PATJ: variants seen among roughly 807,000 people sequenced by gnomAD.
PATJ encodes PATJ crumbs cell polarity complex component.
In PATJ, 190 loss-of-function variants were observed where a neutral mutation model predicts 224.9. That is an observed-to-expected ratio of 0.84 (90% CI 0.75 to 0.95). PATJ has a LOEUF of 0.95. PATJ is among the 40% of genes least tolerant of loss of function. The pLI, the probability that PATJ is intolerant of heterozygous loss-of-function variation, is 0.00. For missense variants in PATJ, 2,121 were observed against 2,270.3 expected (o/e 0.93, Z 1.34); for synonymous variants, 769 against 820.3 (o/e 0.94, Z 1.07).
intron 21 of PATJ, among the ~76,000 whole-genome samples, chr1:61,876,234 C>T (rs1355135951): frequency 2.0e-5 from 3 of 151,818 alleles, no homozygotes; most frequent in Admixed American, 1.3e-4. Flanking sequence ...ATACAGTTTC[C>T]TGTGGGTCAA....
chr1:61,874,648 TA>T (rs1667114680), intron 20 of PATJ, among the ~76,000 whole-genome samples: 3 of 152,222 alleles, frequency 2.0e-5, no homozygotes, highest in Admixed American at 6.5e-5. Flanking sequence ...AGGGGAAACA[TA>T]AATATTTTAG....
chr1:61,890,725 G>A (rs12733910), intron 22 of PATJ, among the ~76,000 whole-genome samples: 80,675 of 151,810 alleles, frequency 0.53, 22,161 homozygotes, highest in Admixed American at 0.62. Flanking sequence ...TAAACTCCTG[G>A]CCTCAAGCAA....
intron 12 of PATJ, 148 bp from the exon 13 acceptor site, chr1:61,805,300 A>G (rs1309355186): frequency 1.7e-6 from 1 of 576,386 alleles, no homozygotes; most frequent in African/African-American, 1.9e-5. Context: ...TTTACCTAGC[A>G]GACCTAAGTT....
chr1:61,976,319 A>G (rs921153865), intron 27 of PATJ, among the ~76,000 whole-genome samples: 2 of 152,068 alleles, frequency 1.3e-5, no homozygotes, highest in African/African-American at 4.8e-5. Context: ...AGTTTAGGCA[A>G]GTTCCATAAC....
chr1:61,906,176 C>T (rs1671829650), intron 24 of PATJ, among the ~76,000 whole-genome samples: 1 of 152,158 alleles, frequency 6.6e-6, no homozygotes. Flanking sequence ...TGAAGAGATG[C>T]ATAGGGCAAA....
chr1:62,109,603 G>A (rs1003506747), intron 34 of PATJ, among the ~76,000 whole-genome samples: 1 of 152,172 alleles, frequency 6.6e-6, no homozygotes, highest in African/African-American at 2.4e-5. Flanking sequence ...ATACAACATG[G>A]TTTTTTAGCA....
intron 27 of PATJ, among the ~76,000 whole-genome samples, chr1:61,957,528 G>T (rs1304633908): frequency 6.6e-6 from 1 of 152,084 alleles, no homozygotes; most frequent in Non-Finnish European, 1.5e-5. Context: ...AGTGGTTTCT[G>T]AACTAATCTA....
At chr1:61,861,310 G>C (rs577915142) in intron 18 of PATJ, among the ~76,000 whole-genome samples, 16 of 38,020 alleles carry the variant, frequency 4.2e-4, no homozygotes, top group South Asian at 1.7e-3. Context: ...TTTTTTTTAC[G>C]TGAATGAATC....
chr1:61,914,311 C>T (rs1057207451), intron 25 of PATJ, among the ~76,000 whole-genome samples: 1 of 152,084 alleles, frequency 6.6e-6, no homozygotes. Context: ...CAAAAATTAG[C>T]TGGGTGTGGT....
intron 33 of PATJ, among the ~76,000 whole-genome samples, chr1:62,087,335 C>T (rs1350969937): frequency 6.6e-6 from 1 of 151,996 alleles, no homozygotes; most frequent in East Asian, 1.9e-4. Context: ...CAAGCTGCTT[C>T]TCTCCTCTAC....
intron 14 of PATJ, among the ~76,000 whole-genome samples, chr1:61,818,507 G>A (rs890076538): frequency 2.6e-5 from 4 of 152,198 alleles, no homozygotes; most frequent in Non-Finnish European, 5.9e-5. Flanking sequence ...GTTGCTAAAT[G>A]CAGCTGGGAC....
chr1:62,019,461 G>A (rs1011579362), intron 29 of PATJ, among the ~76,000 whole-genome samples: 1 of 151,962 alleles, frequency 6.6e-6, no homozygotes, highest in African/African-American at 2.4e-5. Context: ...AGAGGTTGCA[G>A]TGAGCCGAGA....
chr1:61,975,134 A>G (rs1028789868), intron 27 of PATJ, among the ~76,000 whole-genome samples: 8 of 151,806 alleles, frequency 5.3e-5, no homozygotes, highest in Admixed American at 1.3e-4. Context: ...TTTTGTAAAG[A>G]TGGGGGTCTC....
At chr1:61,749,854 T>C (rs535652072) in intron 1 of PATJ, among the ~76,000 whole-genome samples, 1 of 152,030 alleles carries the variant, frequency 6.6e-6, no homozygotes, top group Non-Finnish European at 1.5e-5. Flanking sequence ...AATTTTTAAA[T>C]TTTTTTGTCA....
At chr1:62,069,890 A>AC (rs1657096710) in intron 31 of PATJ, among the ~76,000 whole-genome samples, 1 of 129,488 alleles carries the variant, frequency 7.7e-6, no homozygotes, top group Admixed American at 7.5e-5. Context: ...TGCATTCTTA[A>AC]TAAAAAAATG....
chr1:61,998,504 G>C (rs1179636589), intron 28 of PATJ, among the ~76,000 whole-genome samples: 3 of 152,172 alleles, frequency 2.0e-5, no homozygotes, highest in Non-Finnish European at 4.4e-5. Flanking sequence ...TGGAATTACA[G>C]ATGTGAGCCA....
At chr1:61,866,767 A>G (rs1270417172) in intron 20 of PATJ, among the ~76,000 whole-genome samples, 1 of 152,254 alleles carries the variant, frequency 6.6e-6, no homozygotes, top group African/African-American at 2.4e-5. Context: ...TCCATAGAGT[A>G]AAATGAAAGC....
intron 33 of PATJ, among the ~76,000 whole-genome samples, chr1:62,095,578 G>A (rs1313085199): frequency 1.3e-5 from 2 of 152,194 alleles, no homozygotes; most frequent in Non-Finnish European, 2.9e-5. Flanking sequence ...ATCAACCCCT[G>A]CCTCATTGTG....
At chr1:62,152,680 A>G (rs1264374906) in intron 42 of PATJ, among the ~76,000 whole-genome samples, 1 of 151,912 alleles carries the variant, frequency 6.6e-6, no homozygotes, top group East Asian at 1.9e-4. Flanking sequence ...AAAGAAAAGG[A>G]GCAGCAGTTT....
Sources: allele counts gnomAD v4.1 joint callset (sites outside exome capture counted in the v4.1 genomes callset), GRCh38; gene constraint gnomAD v4.1.1; transcripts MANE v1.5; gene names NCBI Gene and HGNC (gene_info 2026-07-23, HGNC 2026-07-21).